Variants in PRR16 observed in about 807,000 individuals in gnomAD.
PRR16 encodes the protein proline rich 16, also known as protein Largen.
PRR16 carries 6 observed loss-of-function variants against 18.2 expected under a neutral mutation model. The observed-to-expected ratio is 0.33, with a 90% CI of 0.18 to 0.65. The LOEUF is 0.65. PRR16 is among the 30% of genes least tolerant of loss of function. The pLI, the probability that PRR16 is intolerant of heterozygous loss-of-function variation, is 0.74. For missense variants in PRR16, 412 were observed against 376.6 expected, an observed-to-expected ratio of 1.09 and a Z score of -0.78; for synonymous variants, 151 against 147.8, an observed-to-expected ratio of 1.02 and a Z score of -0.16.
chr5:120,663,972 G>C (rs1243957447), intron 1 of PRR16, among the ~76,000 whole-genome samples: 1 of 152,042 alleles, frequency 6.6e-6, no homozygotes, highest in Non-Finnish European at 1.5e-5. Flanking sequence ...ATATTCATTA[G>C]TATGTTGATT....
chr5:120,535,644 A>T (rs907816538), intron 1 of PRR16, among the ~76,000 whole-genome samples: 3 of 152,152 alleles, frequency 2.0e-5, no homozygotes, highest in Admixed American at 2.0e-4. Flanking sequence ...TACTAAAAAT[A>T]CAAAAATTAT....
the PRR16 span, among the ~76,000 whole-genome samples, chr5:120,769,073 CAT>C: frequency 7.3e-6 from 1 of 137,116 alleles, no homozygotes; most frequent in Non-Finnish European, 1.6e-5. Flanking sequence ...TAAGATACCT[CAT>C]GTCTTCATGC....
intron 1 of PRR16, among the ~76,000 whole-genome samples, chr5:120,628,886 T>A (rs1386628369): frequency 6.6e-6 from 1 of 152,116 alleles, no homozygotes; most frequent in African/African-American, 2.4e-5. Context: ...GATACTTTTT[T>A]AACTTTTATT....
At chr5:120,586,185 T>A (rs1009100972) in intron 1 of PRR16, among the ~76,000 whole-genome samples, 15 of 145,052 alleles carry the variant, frequency 1.0e-4, no homozygotes, top group African/African-American at 3.1e-4. Context: ...AAAAAAAAAA[T>A]ATGTTTTTGA....
At chr5:120,737,020 CAGA>C in the PRR16 span, among the ~76,000 whole-genome samples, 1 of 152,170 alleles carries the variant, frequency 6.6e-6, no homozygotes, top group Non-Finnish European at 1.5e-5. Context: ...GTGTTCTACA[CAGA>C]AGGTCATGTC....
At chr5:120,488,492 A>T (rs566651955) in intron 1 of PRR16, among the ~76,000 whole-genome samples, 18 of 152,070 alleles carry the variant, frequency 1.2e-4, no homozygotes, top group Non-Finnish European at 8.8e-5. Flanking sequence ...ATTGGTGGTG[A>T]TATCCCATTT....
At chr5:120,678,066 C>T (rs1756861729) in intron 1 of PRR16, among the ~76,000 whole-genome samples, 2 of 151,914 alleles carry the variant, frequency 1.3e-5, no homozygotes, top group Non-Finnish European at 2.9e-5. Context: ...CCGGCCACCA[C>T]GCCTGGCTAA....
chr5:120,729,514 A>G, the PRR16 span, among the ~76,000 whole-genome samples: 1 of 152,132 alleles, frequency 6.6e-6, no homozygotes, highest in Non-Finnish European at 1.5e-5. Context: ...CTAATAAATG[A>G]TGATTGAGCA....
At chr5:120,666,985 G>GCA (rs1756402696) in intron 1 of PRR16, among the ~76,000 whole-genome samples, 1 of 147,724 alleles carries the variant, frequency 6.8e-6, no homozygotes, top group African/African-American at 2.5e-5. Context: ...AAATGAGTTA[G>GCA]GGAGGATTCC....
the PRR16 span, among the ~76,000 whole-genome samples, chr5:120,783,854 C>G: frequency 6.6e-6 from 1 of 152,034 alleles, no homozygotes; most frequent in Non-Finnish European, 1.5e-5. Flanking sequence ...TTACCAACCC[C>G]TTTTTCCCCC....
chr5:120,745,865 A>ATTTTTTTTTTTTTT, the PRR16 span, among the ~76,000 whole-genome samples: 138 of 127,450 alleles, frequency 1.1e-3, 1 homozygote, highest in East Asian at 4.0e-3. Context: ...CGCCCGGGTA[A>ATTTTTTTTTTTTTT]TTTTTTTTTT....
chr5:120,672,238 CTGTGTGTGTGTGTGTGTGTG>C lies in PRR16; in HGVS notation c.160-13692_160-13673del, dbSNP rs3048020. On this transcript the variant is annotated intron_variant, in intron 1 of 1. Coordinates refer to ENST00000407149, the MANE Select transcript of PRR16 (RefSeq NM_001300783.2). ...AATTCTTGAAGGGCAGGTGAGGGGT[CTGTGTGTGTGTGTGTGTGTG>C]TGTGTGTGTGTGTGTGTGTGTGTTG... 4.4e-5 allele frequency among the ~76,000 whole-genome samples: 6 copies of C among 135,114 alleles called. No homozygotes were observed. The East Asian group carries it at 1.1e-3, about 26-fold the overall frequency. 88.6% of individuals were successfully genotyped at this position (135,114 alleles called of 152,430 possible).
chr5:120,775,080 C>T, the PRR16 span, among the ~76,000 whole-genome samples: 4 of 152,118 alleles, frequency 2.6e-5, no homozygotes, highest in African/African-American at 9.7e-5. Context: ...TTTAAAGATT[C>T]CCAATTGAAT....
chr5:120,780,082 G>C, the PRR16 span, among the ~76,000 whole-genome samples: 5 of 151,932 alleles, frequency 3.3e-5, no homozygotes, highest in Non-Finnish European at 7.4e-5. Context: ...CCTTTTTGTT[G>C]TTGTTGTTTA....
chr5:120,493,146 A>G (rs1429696476), intron 1 of PRR16, among the ~76,000 whole-genome samples: 1 of 152,194 alleles, frequency 6.6e-6, no homozygotes, highest in Non-Finnish European at 1.5e-5. Flanking sequence ...TATTTTCCAT[A>G]GTGTTAGCAC....
intron 1 of PRR16, among the ~76,000 whole-genome samples, chr5:120,503,135 A>G (rs905603252): frequency 4.6e-5 from 7 of 152,192 alleles, no homozygotes; most frequent in Non-Finnish European, 1.0e-4. Context: ...TTTAAGAATA[A>G]ATTAGTAAAT....
At chr5:120,597,835 T>C (rs968699412) in intron 1 of PRR16, among the ~76,000 whole-genome samples, 12 of 151,914 alleles carry the variant, frequency 7.9e-5, no homozygotes, top group Admixed American at 6.6e-4. Flanking sequence ...TCCCTTTGCC[T>C]TTTCATTTGA....
intron 1 of PRR16, among the ~76,000 whole-genome samples, chr5:120,627,029 C>A (rs1235739962): frequency 6.6e-6 from 1 of 152,042 alleles, no homozygotes; most frequent in African/African-American, 2.4e-5. Context: ...TAAAAGAAAT[C>A]CACTACCTGT....
At chr5:120,597,774 C>G (rs560093061) in intron 1 of PRR16, among the ~76,000 whole-genome samples, 2 of 151,998 alleles carry the variant, frequency 1.3e-5, no homozygotes, top group South Asian at 2.1e-4. Context: ...TTCTACTTCT[C>G]TTCCTCCATC....
Sources: allele counts gnomAD v4.1 joint callset (sites outside exome capture counted in the v4.1 genomes callset), GRCh38; gene constraint gnomAD v4.1.1; transcripts MANE v1.5; gene names NCBI Gene and HGNC (gene_info 2026-07-23, HGNC 2026-07-21).